Variants in LRRC51 observed in about 807,000 individuals in gnomAD.
LRRC51 encodes the protein leucine-rich repeat-containing protein 51.
In LRRC51, 8 loss-of-function variants were observed where a neutral mutation model predicts 17.8. That is an observed-to-expected ratio of 0.45 (90% CI 0.26 to 0.81). The LOEUF is 0.81. Among genes scored for constraint, LRRC51 ranks in the 30% least tolerant of loss-of-function variants. LRRC51 has a pLI of 0.17. For synonymous variants in LRRC51, 92 were observed against 96.0 expected (o/e 0.96, Z 0.24); for missense variants, 233 against 239.3 (o/e 0.97, Z 0.17).
chr11:72,096,683 G>T lies in LRRC51; in HGVS notation c.*1163G>T. The T allele has an allele frequency of 5.8e-6, 9 of 1,546,870 alleles. No homozygotes were observed. Among genetic ancestry groups the T allele is most frequent in the Non-Finnish European group, 7.9e-6 (9 of 1,144,796 alleles). On this transcript the variant is annotated 3_prime_UTR_variant, in exon 6 of 6. Coordinates refer to ENST00000289488, the MANE Select transcript of LRRC51 (RefSeq NM_145309.6). Reference sequence around the variant, plus strand: ...TTTGTACTTTTCAGCTTAGAGATTTGGGGGTTAAAGTAGATCAGTAATTTC... The same window carrying T: ...TTTGTACTTTTCAGCTTAGAGATTTTGGGGTTAAAGTAGATCAGTAATTTC...
At chr11:72,086,316 G>A (rs1430438112) in intron 1 of LRRC51, 4 of 677,206 alleles carry the variant, frequency 5.9e-6, no homozygotes, top group Non-Finnish European at 5.4e-6. Flanking sequence ...GCTCATGACA[G>A]GGTTCTATTA....
intron 3 of LRRC51, chr11:72,089,561 A>T (rs977475469): frequency 1.7e-6 from 2 of 1,206,018 alleles, no homozygotes; most frequent in Non-Finnish European, 2.1e-6. Context: ...ACCTGAAGAG[A>T]GGAGGAAAAC....
Position 72,094,536 on chromosome 11 carries a change from C to T in LRRC51, c.289-412C>T, listed in dbSNP as rs949492981. On this transcript the variant is annotated intron_variant, in intron 4 of 5. Transcript: ENST00000289488. ...AAGGAGCTGGAGCATGACTTGGACA[C>T]TATTCCCCTGGTGTGGTGATCTCAA... 17 of 602,520 alleles carry T rather than the reference C, an allele frequency of 2.8e-5. No homozygotes were observed. The Admixed American group carries it at 4.6e-4, about 16-fold the overall frequency. The allele number at this position is 602,520 out of a possible 1,614,324, so 37.3% of individuals were successfully genotyped here.
In LRRC51 at chr11:72,095,927, C is replaced by A; in HGVS notation, c.*407C>A. The A allele has an allele frequency of 3.6e-6, 1 of 280,060 alleles. No individual in the cohort carries two copies. Among genetic ancestry groups the A allele is most frequent in the East Asian group, 9.1e-5 (1 of 10,974 alleles). The allele number at this position is 280,060 out of a possible 1,614,324, so 17.3% of individuals were successfully genotyped here. ...GTGCGATCTCAGCTCACTGCAACCT[C>A]CGCCTGCTGGGTTCAAGCGATTCTC... is the stretch of plus-strand genomic sequence containing the variant. On this transcript the variant is annotated 3_prime_UTR_variant, in exon 6 of 6. Transcript: ENST00000289488.
intron 3 of LRRC51, 25 bp downstream of exon 3, chr11:72,089,190 C>CA: frequency 1.2e-6 from 2 of 1,614,116 alleles, no homozygotes; most frequent in Non-Finnish European, 1.7e-6. Flanking sequence ...CACAGTACTC[C>CA]ACTCACTAAG....
At position 72,088,960 on chromosome 11, in the gene LRRC51, G is replaced by A. The variant is rs1591144552; in HGVS notation, c.-55-69G>A. 7 of 1,574,100 alleles carry A rather than the reference G, an allele frequency of 4.4e-6. No individual in the cohort carries two copies. In the East Asian group the frequency reaches 9.1e-5, roughly 21 times the overall value. On this transcript the variant is annotated intron_variant, in intron 2 of 5. Transcript: ENST00000289488. ...TAGAGTAGTAGAGGACAGAAAGCAG[G>A]GATGGAGGACTATGGGGAAACCTGA...
chr11:72,084,020 A>C (rs1190138321), intron 1 of LRRC51, among the ~76,000 whole-genome samples: 1 of 152,172 alleles, frequency 6.6e-6, no homozygotes, highest in Admixed American at 6.5e-5. Context: ...TTCTTTTGAC[A>C]GGGTCTCGCT....
chr11:72,094,470 T>TAAAC (rs58478953), intron 4 of LRRC51: 73,295 of 561,846 alleles, frequency 0.13, 10,567 homozygotes, highest in African/African-American at 0.53. Flanking sequence ...TTTTAAGAAA[T>TAAAC]AAAGTTTGGC....
At chr11:72,087,533 T>C (rs1202906741) in intron 1 of LRRC51, among the ~76,000 whole-genome samples, 1 of 152,204 alleles carries the variant, frequency 6.6e-6, no homozygotes, top group Non-Finnish European at 1.5e-5. Flanking sequence ...ATCCCAAGGT[T>C]TCTCTTTTTG....
intron 3 of LRRC51, 132 bp downstream of exon 3, chr11:72,089,297 T>G (rs1172037717): frequency 1.3e-6 from 2 of 1,532,934 alleles, no homozygotes; most frequent in African/African-American, 2.7e-5. Flanking sequence ...TGTTACTGTC[T>G]TTTGGAGGGT....
chr11:72,095,231 C>T, intron 5 of LRRC51, 135 bp downstream of exon 5: 1 of 1,564,664 alleles, frequency 6.4e-7, no homozygotes, highest in Non-Finnish European at 8.7e-7. Context: ...CTAAGCATTC[C>T]TTGCTCTCAG....
intron 4 of LRRC51, 46 bp downstream of exon 4, chr11:72,093,747 C>CT: frequency 6.4e-7 from 1 of 1,573,346 alleles, no homozygotes. Flanking sequence ...CCTGAAGCCA[C>CT]TTTGTTCAGC....
In LRRC51 at chr11:72,094,384, G is replaced by A. The variant is rs1945047072; in HGVS notation, c.289-564G>A. Reference sequence around the variant, plus strand: ...CTAACTGTCACTGCGCACCCACTGTGACCTGTGCTGGGTTCTCCTGTGGAA... The same window carrying A: ...CTAACTGTCACTGCGCACCCACTGTAACCTGTGCTGGGTTCTCCTGTGGAA... On this transcript the variant is annotated intron_variant, in intron 4 of 5. Transcript: ENST00000289488. The A allele has an allele frequency of 8.3e-6, 3 of 360,436 alleles. 1 individual carries two copies. Among genetic ancestry groups the A allele is most frequent in the African/African-American group, 2.1e-5 (1 of 47,668 alleles). The allele number at this position is 360,436 out of a possible 1,614,324, so 22.3% of individuals were successfully genotyped here.
At chr11:72,088,914 G>A in intron 2 of LRRC51, 115 bp from the exon 3 acceptor site, 1 of 1,227,906 alleles carries the variant, frequency 8.1e-7, no homozygotes, top group South Asian at 1.3e-5. Flanking sequence ...ATCTTAAAAT[G>A]GAAATACAGC....
chr11:72,086,753 T>A (rs972271750), intron 1 of LRRC51, among the ~76,000 whole-genome samples: 5 of 152,058 alleles, frequency 3.3e-5, no homozygotes, highest in Non-Finnish European at 7.4e-5. Flanking sequence ...TGGGTTGCTC[T>A]GTCAAGAAAA....
At chr11:72,082,360 C>T (rs932316614) in intron 1 of LRRC51, among the ~76,000 whole-genome samples, 16 of 152,138 alleles carry the variant, frequency 1.1e-4, no homozygotes, top group African/African-American at 3.9e-4. Flanking sequence ...GTCCTACGCC[C>T]TCTTGCCACT....
intron 1 of LRRC51, among the ~76,000 whole-genome samples, chr11:72,081,859 C>T (rs1232565231): frequency 6.6e-6 from 1 of 152,170 alleles, no homozygotes; most frequent in Admixed American, 6.5e-5. Context: ...CTTTCACAGT[C>T]TCTCTTTTGA....
chr11:72,095,051 G>A lies in LRRC51; in HGVS notation c.392G>A (p.Ser131Asn). ...CTGGCTGTCCTTCCTCGGCTCCGTA[G>A]CCTGACACTCCATGGGAACCCCATG... ...NKLAVLPRLR[S>N]LTLHGNPMEE... Residue 131 changes from serine to asparagine, a missense_variant, in exon 5 of 6, where the codon AGC becomes AAC. Physicochemically the swap from Ser to Asn is conservative, Grantham distance 46. Coordinates refer to ENST00000289488, the MANE Select transcript of LRRC51 (RefSeq NM_145309.6). 6.2e-7 allele frequency: 1 copy of A among 1,614,074 alleles called. No individual in the cohort carries two copies. Among genetic ancestry groups the A allele is most frequent in the Non-Finnish European group, 8.5e-7 (1 of 1,180,004 alleles).
chr11:72,086,407 T>A, intron 1 of LRRC51: 1 of 702,296 alleles, frequency 1.4e-6, no homozygotes, highest in Non-Finnish European at 2.6e-6. Flanking sequence ...GAATTGAATA[T>A]CTTACTGTGA....
Sources: allele counts gnomAD v4.1 joint callset (sites outside exome capture counted in the v4.1 genomes callset), GRCh38; gene constraint gnomAD v4.1.1; transcripts MANE v1.5; gene names NCBI Gene and HGNC (gene_info 2026-07-23, HGNC 2026-07-21).